The following EBF1 variants were observed in gnomAD, a reference collection of about 807,000 sequenced individuals.
The protein encoded by EBF1 is EBF transcription factor 1, also known as transcription factor COE1.
EBF1 carries 10 observed loss-of-function variants against 68.4 expected under a neutral mutation model. The observed-to-expected ratio is 0.15, with a 90% confidence interval of 0.09 to 0.25. The LOEUF (loss-of-function observed/expected upper bound fraction) is 0.25, where lower values mean the gene tolerates loss of function less well. Among genes scored for constraint, EBF1 ranks in the 10% least tolerant of loss-of-function variants. The probability of loss-of-function intolerance (pLI) is 1.00; values close to 1 mark genes in which losing one functional copy is unlikely to be tolerated. For synonymous variants in EBF1, 298 were observed against 299.8 expected, an observed-to-expected ratio of 0.99 and a Z score of 0.06; for missense variants, 509 against 794.4, an observed-to-expected ratio of 0.64 and a Z score of 4.32.
In EBF1 at chr5:158,698,559, T is replaced by A; in HGVS notation, c.*552A>T. 1 of 221,564 alleles carries A rather than the reference T, an allele frequency of 4.5e-6. No individual in the cohort carries two copies. Among genetic ancestry groups the A allele is most frequent in the African/African-American group, 2.2e-5 (1 of 44,796 alleles). 13.7% of individuals were successfully genotyped at this position (221,564 alleles called of 1,614,324 possible). ...AATGCACTGTCTGAGCTAACTACCA[T>A]TTGATATGCTTTAAGGCGCAAAAGC... On this transcript the variant is annotated 3_prime_UTR_variant, in exon 16 of 16. Coordinates refer to ENST00000313708, the MANE Select transcript of EBF1 (RefSeq NM_024007.5).
chr5:158,958,336 C>A (rs1817539629), intron 6 of EBF1, among the ~76,000 whole-genome samples: 1 of 152,110 alleles, frequency 6.6e-6, no homozygotes, highest in Non-Finnish European at 1.5e-5. Flanking sequence ...AGGTTGTGAC[C>A]CACTCCTGTT....
intron 7 of EBF1, among the ~76,000 whole-genome samples, chr5:158,837,067 G>A (rs1788972433): frequency 6.6e-6 from 1 of 152,218 alleles, no homozygotes; most frequent in African/African-American, 2.4e-5. Context: ...GTAAGAGCTT[G>A]TCAGCGGTTA....
chr5:158,942,559 T>G (rs1057100548), intron 6 of EBF1, among the ~76,000 whole-genome samples: 3 of 152,162 alleles, frequency 2.0e-5, no homozygotes, highest in African/African-American at 7.2e-5. Flanking sequence ...ACATTAGAAT[T>G]GGGTAAGTGG....
intron 6 of EBF1, among the ~76,000 whole-genome samples, chr5:159,002,348 A>G (rs1762708048): frequency 2.0e-5 from 3 of 152,166 alleles, no homozygotes; most frequent in Non-Finnish European, 1.5e-5. Context: ...TATTTTGCCA[A>G]TGAAAGTGCT....
intron 10 of EBF1, among the ~76,000 whole-genome samples, chr5:158,737,369 C>T (rs989814984): frequency 1.9e-4 from 28 of 147,260 alleles, no homozygotes; most frequent in South Asian, 4.3e-4. Context: ...CTGCAAACTC[C>T]GCCTCCCGGG....
At chr5:158,887,763 C>T (rs1051667453) in intron 6 of EBF1, among the ~76,000 whole-genome samples, 2 of 152,168 alleles carry the variant, frequency 1.3e-5, no homozygotes, top group Non-Finnish European at 2.9e-5. Flanking sequence ...GTGATTTCTA[C>T]TCCATTTTCT....
chr5:158,967,822 T>A (rs1038439305), intron 6 of EBF1, among the ~76,000 whole-genome samples: 4 of 152,194 alleles, frequency 2.6e-5, no homozygotes, highest in Admixed American at 2.0e-4. Context: ...AGTTTCCCCC[T>A]AGGGCAATGA....
chr5:158,793,846 T>C (rs1392831925), intron 9 of EBF1, among the ~76,000 whole-genome samples: 1 of 152,166 alleles, frequency 6.6e-6, no homozygotes, highest in Non-Finnish European at 1.5e-5. Context: ...TCTCCCTGCA[T>C]GAAAAGGCAG....
At chr5:158,967,761 T>C (rs1397568729) in intron 6 of EBF1, among the ~76,000 whole-genome samples, 1 of 152,216 alleles carries the variant, frequency 6.6e-6, no homozygotes, top group African/African-American at 2.4e-5. Context: ...ATGTTAGCCC[T>C]GCTTCTGAAC....
intron 8 of EBF1, among the ~76,000 whole-genome samples, chr5:158,797,138 T>C (rs1031080516): frequency 1.3e-5 from 2 of 152,226 alleles, no homozygotes; most frequent in African/African-American, 4.8e-5. Context: ...TTTGCTTTGC[T>C]GTCTTTCCCA....
At chr5:158,700,530 G>C (rs1042684955) in intron 15 of EBF1, among the ~76,000 whole-genome samples, 1 of 145,928 alleles carries the variant, frequency 6.9e-6, no homozygotes, top group Non-Finnish European at 1.5e-5. Flanking sequence ...AAAAAAAAGC[G>C]AACCCCAGTA....
intron 7 of EBF1, among the ~76,000 whole-genome samples, chr5:158,824,487 A>G (rs1470783202): frequency 6.6e-6 from 1 of 152,230 alleles, no homozygotes; most frequent in Non-Finnish European, 1.5e-5. Flanking sequence ...GAGCCTCCAG[A>G]GCGAAGGCTG....
intron 8 of EBF1, among the ~76,000 whole-genome samples, chr5:158,822,629 A>C (rs111792265): frequency 0.015 from 2,213 of 152,298 alleles, 17 homozygotes; most frequent in Middle Eastern, 0.024. Flanking sequence ...CACAGGAGGG[A>C]CATTTGGTCT....
Position 158,835,723 on chromosome 5 carries a change from C to T in EBF1, c.636+4306G>A, listed in dbSNP as rs1015553673. Reference sequence around the variant, plus strand: ...AACATCAGAAAATATCTGAGTCAGACTGCTTGGATTATACCACTGCCTTAC... The same window carrying T: ...AACATCAGAAAATATCTGAGTCAGATTGCTTGGATTATACCACTGCCTTAC... On this transcript the variant is annotated intron_variant, in intron 7 of 15. Transcript: ENST00000313708. 2.0e-5 allele frequency among the ~76,000 whole-genome samples: 3 copies of T among 152,108 alleles called. No individual in the cohort carries two copies. The East Asian group carries it at 5.8e-4, about 29-fold the overall frequency.
intron 6 of EBF1, among the ~76,000 whole-genome samples, chr5:159,006,647 TAAA>T (rs36045942): frequency 1.6e-4 from 9 of 56,208 alleles, no homozygotes; most frequent in South Asian, 6.5e-4. Flanking sequence ...ATAGCCATGT[TAAA>T]AAAAAAAAAA....
rs10640628 is a variant in EBF1 at position 158,844,188 on chromosome 5, C to CTTTTTT, written c.555-4084_555-4079dup. On this transcript the variant is annotated intron_variant, in intron 6 of 15. Transcript: ENST00000313708. ...GATCAAACTCCTTTTTAACTCAAGCCTTTTTTTTTTTTTTTTTTGAGGGGG... is the reference window on the plus strand; with the variant it reads ...GATCAAACTCCTTTTTAACTCAAGCCTTTTTTTTTTTTTTTTTTTTTTTTGAGGGGG... Among the ~76,000 whole-genome samples the CTTTTTT allele has an allele frequency of 2.2e-3, 275 of 126,316 alleles. 1 individual carries two copies. The highest frequency in any genetic ancestry group is 7.7e-3 in the African/African-American group (257 of 33,500). 82.9% of individuals were successfully genotyped at this position (126,316 alleles called of 152,430 possible).
chr5:158,739,555 C>T (rs140535281), intron 10 of EBF1, among the ~76,000 whole-genome samples: 84 of 151,878 alleles, frequency 5.5e-4, no homozygotes, highest in African/African-American at 1.5e-3. Flanking sequence ...GGATCATTCA[C>T]GATTAGGTTT....
At chr5:158,927,280 G>A (rs571776358) in intron 6 of EBF1, among the ~76,000 whole-genome samples, 1 of 152,208 alleles carries the variant, frequency 6.6e-6, no homozygotes, top group African/African-American at 2.4e-5. Context: ...AATCATCATC[G>A]ATGTTGTCAT....
chr5:158,862,512 A>T (rs997776119), intron 6 of EBF1, among the ~76,000 whole-genome samples: 2 of 152,184 alleles, frequency 1.3e-5, no homozygotes, highest in Non-Finnish European at 2.9e-5. Context: ...AATGAAGGCT[A>T]TCTCAGAGAA....
Sources: gnomAD v4.1 joint callset for allele counts (sites outside exome capture counted in the v4.1 genomes callset) on GRCh38, gnomAD v4.1.1 for gene constraint, MANE v1.5 for transcripts, NCBI Gene and HGNC (gene_info 2026-07-23, HGNC 2026-07-21) for gene names.